Variants in MFSD2B observed in about 807,000 individuals in gnomAD.
The protein encoded by MFSD2B is MFSD2 lysolipid transporter B, sphingolipid.
In MFSD2B, 56 loss-of-function variants were observed where a neutral mutation model predicts 58.4. The ratio of observed to expected loss-of-function variants is 0.96; its 90% CI spans 0.77 to 1.20. The LOEUF is 1.20. Among genes scored for constraint, MFSD2B ranks in the 50% most tolerant of loss-of-function variants. The probability of loss-of-function intolerance (pLI) is 0.00; values close to 1 mark genes in which losing one functional copy is unlikely to be tolerated. For missense variants in MFSD2B, 645 were observed against 667.6 expected (o/e 0.97, Z 0.37); for synonymous variants, 287 against 294.4 (o/e 0.97, Z 0.26).
At chr2:24,016,006 C>T in intron 2 of MFSD2B, 150 bp from the exon 3 acceptor site, 1 of 929,494 alleles carries the variant, frequency 1.1e-6, no homozygotes, top group Non-Finnish European at 1.7e-6. Context: ...CCGGGATCAG[C>T]ATCCTGGGGA....
intron 2 of MFSD2B, among the ~76,000 whole-genome samples, chr2:24,015,652 T>C (rs1160854132): frequency 6.6e-6 from 1 of 152,244 alleles, no homozygotes; most frequent in Non-Finnish European, 1.5e-5. Flanking sequence ...TTTTCCTGCA[T>C]AGTTTGAGTG....
rs1708982197 is a variant in MFSD2B, at chr2:24,012,178, A to AAAAAAACCCTG, written c.97-1107_97-1106insAAAAAACCCTG. On this transcript the variant is annotated intron_variant, in intron 1 of 13. Transcript: ENST00000338315. This position sits in a 1 kb window ranked among gnomAD's most constrained non-coding sequence, Gnocchi z 4.5. Reference sequence around the variant, plus strand: ...CACACACACACACACACACACACACACAAAAACAGACAAAAAAACCCTGCA... The same window carrying AAAAAAACCCTG: ...CACACACACACACACACACACACACAAAAAAACCCTGCAAAAACAGACAAAAAAACCCTGCA... Among the ~76,000 whole-genome samples the AAAAAAACCCTG allele has an allele frequency of 7.3e-6, 1 of 137,738 alleles. No homozygotes were observed. Among genetic ancestry groups the AAAAAAACCCTG allele is most frequent in the African/African-American group, 2.6e-5 (1 of 38,258 alleles). The allele number at this position is 137,738 out of a possible 152,430, so 90.4% of individuals were successfully genotyped here.
rs1662947846 is a variant in MFSD2B at position 24,025,452 on chromosome 2, C to A, written c.1511C>A (p.Ala504Asp). ...CACAGGAGGACCAGCTACAGCCTGG[C>A]CTAAAGCTTAGGAGGGCGACTGTGA... ...SLRRRTSYSLA is the reference protein window; with the variant it reads ...SLRRRTSYSLD The change falls in exon 14 of 14, where the codon GCC becomes GAC. Residue 504 changes from alanine (A) to aspartate (D), a missense_variant. Transcript: ENST00000338315. 1 of 1,535,938 alleles carries A rather than the reference C, an allele frequency of 6.5e-7. No individual in the cohort carries two copies. Among genetic ancestry groups the A allele is most frequent in the African/African-American group, 1.4e-5 (1 of 73,040 alleles).
chr2:24,017,565 C>T lies in MFSD2B; in HGVS notation c.658C>T (p.Pro220Ser). ...HRCEATATPG[P>S]VTVSPNAAHL... The stretch of plus-strand genomic sequence containing the variant: ...GTGCGAGGCCACTGCGACCCCGGGG[C>T]CAGTCACTGTCTCCCCGAATGCAGT... The change falls in exon 6 of 14, where the codon CCA becomes TCA. Residue 220 changes from proline (P) to serine (S), a missense_variant. By Grantham distance (74) the Pro-to-Ser change is moderately conservative. Transcript: ENST00000338315. The surrounding 1 kb of genome is among the most constrained non-coding windows in gnomAD (Gnocchi z 4.8). 1 of 1,561,206 alleles carries T rather than the reference C, an allele frequency of 6.4e-7. No homozygotes were observed. Among genetic ancestry groups the T allele is most frequent in the African/African-American group, 1.4e-5 (1 of 73,778 alleles).
At position 24,016,144 on chromosome 2, in the gene MFSD2B, T is replaced by A; in HGVS notation, c.223-12T>A. On this transcript the variant is annotated splice_polypyrimidine_tract_variant and intron_variant, in intron 2 of 13. Transcript: ENST00000338315. Reference sequence around the variant, plus strand: ...GGCCTCAGCTCTCTATCCCCTCCCCTGTCTGTTTCAGATCCCTGCCGCCCA... The same window carrying A: ...GGCCTCAGCTCTCTATCCCCTCCCCAGTCTGTTTCAGATCCCTGCCGCCCA... 1 of 1,612,982 alleles carries A rather than the reference T, an allele frequency of 6.2e-7. No homozygotes were observed. Among genetic ancestry groups the A allele is most frequent in the South Asian group, 1.1e-5 (1 of 91,034 alleles).
chr2:24,010,723 C>T (rs1478823645), intron 1 of MFSD2B, among the ~76,000 whole-genome samples: 6 of 152,186 alleles, frequency 3.9e-5, no homozygotes, highest in Non-Finnish European at 8.8e-5. Flanking sequence ...TTGTCCCTTG[C>T]CCGATGCCGC....
At chr2:24,010,588 T>C (rs1708919447) in intron 1 of MFSD2B, among the ~76,000 whole-genome samples, 1 of 152,116 alleles carries the variant, frequency 6.6e-6, no homozygotes, top group African/African-American at 2.4e-5. Context: ...TCGGCCTCCC[T>C]CCCAGACCCT....
At position 24,024,547 on chromosome 2, in the gene MFSD2B, C is replaced by T. The variant is rs548185555; in HGVS notation, c.1490+276C>T. ...TTGCTCTCCAAAGCCCCCTTGGTAC[C>T]TCTTCTGCTAGCCTGACCCAACTCA... On this transcript the variant is annotated intron_variant, in intron 13 of 13. Transcript: ENST00000338315. The surrounding 1 kb of genome is among the most constrained non-coding windows in gnomAD (Gnocchi z 4.3). Among the ~76,000 whole-genome samples, 1 of 152,104 alleles carries T rather than the reference C, an allele frequency of 6.6e-6. No individual in the cohort carries two copies. Among genetic ancestry groups the T allele is most frequent in the Non-Finnish European group, 1.5e-5 (1 of 68,014 alleles).
At position 24,017,179 on chromosome 2, in the gene MFSD2B, T is replaced by C. The variant is rs772914114; in HGVS notation, c.472-107T>C. ...CGACTTCAGGTGGCCAGCTGGGATATGTCACGTTGGCCTGTGGGTGTCGGG... is the reference window on the plus strand; with the variant it reads ...CGACTTCAGGTGGCCAGCTGGGATACGTCACGTTGGCCTGTGGGTGTCGGG... On this transcript the variant is annotated intron_variant, in intron 4 of 13. Transcript: ENST00000338315. This position sits in a 1 kb window ranked among gnomAD's most constrained non-coding sequence, Gnocchi z 4.8. The C allele has an allele frequency of 2.3e-6, 3 of 1,313,036 alleles. No homozygotes were observed. The highest frequency in any genetic ancestry group is 4.2e-5 in the Admixed American group (2 of 47,138). 81.3% of individuals were successfully genotyped at this position (1,313,036 alleles called of 1,614,324 possible).
chr2:24,017,464 CT>C lies in MFSD2B; in HGVS notation c.558del (p.Val187TrpfsTer7). ...ERDSATAYRMTVEMAGTLMGA... is the reference protein window; with the variant it reads ...ERDSATAYRMXVEMAGTLMGA... Reference sequence around the variant, plus strand: ...AGTGGCACTCTGTCTCCAGGGATGACTGTGGAGATGGCGGGAACACTGATGG... The same window carrying C: ...AGTGGCACTCTGTCTCCAGGGATGACGTGGAGATGGCGGGAACACTGATGG... On this transcript the variant is annotated frameshift_variant, in exon 6 of 14. Coordinates refer to ENST00000338315, the MANE Select transcript of MFSD2B (RefSeq NM_001346880.2). LOFTEE classifies it high-confidence loss of function. The surrounding 1 kb of genome is among the most constrained non-coding windows in gnomAD (Gnocchi z 4.8). 1 of 1,601,938 alleles carries C rather than the reference CT, an allele frequency of 6.2e-7. No homozygotes were observed. The highest frequency in any genetic ancestry group is 8.5e-7 in the Non-Finnish European group (1 of 1,174,324).
chr2:24,011,673 C>T (rs1168420605), intron 1 of MFSD2B, among the ~76,000 whole-genome samples: 1 of 152,202 alleles, frequency 6.6e-6, no homozygotes, highest in Non-Finnish European at 1.5e-5. Flanking sequence ...CCATTTATTG[C>T]TTCAACGGAT....
At chr2:24,010,461 G>A (rs1393441855) in intron 1 of MFSD2B, among the ~76,000 whole-genome samples, 1 of 152,206 alleles carries the variant, frequency 6.6e-6, no homozygotes, top group Non-Finnish European at 1.5e-5. Context: ...CCCGGCTTAG[G>A]GGTCTTGTCC....
At position 24,021,815 on chromosome 2, in the gene MFSD2B, T is replaced by C. The variant is rs1296878940; in HGVS notation, c.773-34T>C. Reference sequence around the variant, plus strand: ...GGGGGCAGGTTTTGCTTTTGAACTCTGCGAAGCCAAGGTGACACGCTTCTG... The same window carrying C: ...GGGGGCAGGTTTTGCTTTTGAACTCCGCGAAGCCAAGGTGACACGCTTCTG... On this transcript the variant is annotated intron_variant, in intron 7 of 13. Transcript: ENST00000338315. This position sits in a 1 kb window ranked among gnomAD's most constrained non-coding sequence, Gnocchi z 5.7. 3.1e-6 allele frequency: 5 copies of C among 1,613,464 alleles called. No individual in the cohort carries two copies. The highest frequency in any genetic ancestry group is 4.2e-6 in the Non-Finnish European group (5 of 1,179,522).
rs752502278 is a variant in MFSD2B, at chr2:24,024,230, G to C, written c.1449G>C (p.Lys483Asn). 11 of 1,612,776 alleles carry C rather than the reference G, an allele frequency of 6.8e-6. No homozygotes were observed. In the South Asian group the frequency reaches 1.2e-4, roughly 18 times the overall value. The change falls in exon 13 of 14, where the codon AAG (lysine) becomes AAC (asparagine). Residue 483 changes from lysine to asparagine, a missense_variant. Transcript: ENST00000338315. The surrounding 1 kb of genome is among the most constrained non-coding windows in gnomAD (Gnocchi z 4.3). ...TCCTCATGGTCGGCTCCACTCCAAA[G>C]ACACCCAGTCGGGACGCCTCCAGCC... ...LCILMVGSTP[K>N]TPSRDASSRL...
intron 2 of MFSD2B, among the ~76,000 whole-genome samples, chr2:24,014,713 A>T (rs1290200450): frequency 6.6e-6 from 1 of 152,200 alleles, no homozygotes; most frequent in Non-Finnish European, 1.5e-5. Flanking sequence ...GTATCTGTCC[A>T]TGTTTAAAAT....
At position 24,017,688 on chromosome 2, in the gene MFSD2B, T is replaced by C; in HGVS notation, c.681+100T>C. The C allele has an allele frequency of 7.7e-7, 1 of 1,303,292 alleles. No individual in the cohort carries two copies. The highest frequency in any genetic ancestry group is 1.0e-6 in the Non-Finnish European group (1 of 964,062). 80.7% of individuals were successfully genotyped at this position (1,303,292 alleles called of 1,614,324 possible). On this transcript the variant is annotated intron_variant, in intron 6 of 13. Coordinates refer to ENST00000338315, the MANE Select transcript of MFSD2B (RefSeq NM_001346880.2). The surrounding 1 kb of genome is among the most constrained non-coding windows in gnomAD (Gnocchi z 4.8). ...TTCTCCCGTCCACACCACTTTGTTG[T>C]CTTTTAGGGGGCTCACTGTGCCCCC...
rs760154308 is a variant in MFSD2B, at chr2:24,016,147, CTGTT to C, written c.223-7_223-4del. On this transcript the variant is annotated splice_polypyrimidine_tract_variant and splice_region_variant and intron_variant, in intron 2 of 13. Coordinates refer to ENST00000338315, the MANE Select transcript of MFSD2B (RefSeq NM_001346880.2). ...CTCAGCTCTCTATCCCCTCCCCTGTCTGTTTCAGATCCCTGCCGCCCAGGTGTCA... is the reference window on the plus strand; with the variant it reads ...CTCAGCTCTCTATCCCCTCCCCTGTCTCAGATCCCTGCCGCCCAGGTGTCA... 6.2e-7 allele frequency: 1 copy of C among 1,613,098 alleles called. No homozygotes were observed. The highest frequency in any genetic ancestry group is 1.7e-5 in the Admixed American group (1 of 60,016).
rs1000066663 is a variant in MFSD2B at position 24,020,894 on chromosome 2, T to A, written c.682-754T>A. ...GCTTCCTATATTAATTTTTTATTTTTATTTTTTATTTTTCCTTTTGAGATG... is the reference window on the plus strand; with the variant it reads ...GCTTCCTATATTAATTTTTTATTTTAATTTTTTATTTTTCCTTTTGAGATG... On this transcript the variant is annotated intron_variant, in intron 6 of 13. Transcript: ENST00000338315. The surrounding 1 kb of genome is among the most constrained non-coding windows in gnomAD (Gnocchi z 4.1). Among the ~76,000 whole-genome samples the A allele has an allele frequency of 3.3e-5, 5 of 149,778 alleles. No individual in the cohort carries two copies. Among genetic ancestry groups the A allele is most frequent in the African/African-American group, 1.2e-4 (5 of 40,550 alleles).
Position 24,024,022 on chromosome 2 carries a change from GGTGTC to G in MFSD2B, c.1314-71_1314-67del, listed in dbSNP as rs1408891900. 1 of 1,466,016 alleles carries G rather than the reference GGTGTC, an allele frequency of 6.8e-7. No individual in the cohort carries two copies. The highest frequency in any genetic ancestry group is 9.4e-7 in the Non-Finnish European group (1 of 1,063,662). 90.8% of individuals were successfully genotyped at this position (1,466,016 alleles called of 1,614,324 possible). A position where few individuals can be genotyped will look rare whatever the true frequency, so the allele number is the denominator to read the frequency against. On this transcript the variant is annotated intron_variant, in intron 12 of 13. Transcript: ENST00000338315. The surrounding 1 kb of genome is among the most constrained non-coding windows in gnomAD (Gnocchi z 4.3). The stretch of plus-strand genomic sequence containing the variant: ...TTCAGGAGGGGGTGGGGTGGGGTGA[GGTGTC>G]GAGTCCCTCCACCCAGGGTGCCAGG...
Sources: allele counts gnomAD v4.1 joint callset (sites outside exome capture counted in the v4.1 genomes callset), GRCh38; gene constraint gnomAD v4.1.1; non-coding constraint Gnocchi (gnomAD v3.1); transcripts MANE v1.5; gene names NCBI Gene and HGNC (gene_info 2026-07-23, HGNC 2026-07-21).